The following EPB41L1 variants were observed in gnomAD, a reference collection of about 807,000 sequenced individuals.
The protein encoded by EPB41L1 is band 4.1-like protein 1.
A neutral mutation model predicts 97.8 loss-of-function variants in EPB41L1; 29 were observed. The ratio of observed to expected loss-of-function variants is 0.30; its 90% CI spans 0.22 to 0.40. The LOEUF (loss-of-function observed/expected upper bound fraction) is 0.40. EPB41L1 is among the 10% of genes least tolerant of loss of function. The probability of loss-of-function intolerance (pLI) is 1.00; values close to 1 mark genes in which losing one functional copy is unlikely to be tolerated. For missense variants in EPB41L1, 812 were observed against 1,162.3 expected, an observed-to-expected ratio of 0.70 and a Z score of 4.38; for synonymous variants, 383 against 459.2, an observed-to-expected ratio of 0.83 and a Z score of 2.12.
chr20:36,229,543 C>T lies in EPB41L1; in HGVS notation c.*203C>T. 1 of 472,276 alleles carries T rather than the reference C, an allele frequency of 2.1e-6. No individual in the cohort carries two copies. Among genetic ancestry groups the T allele is most frequent in the Non-Finnish European group, 3.9e-6 (1 of 259,538 alleles). 29.3% of individuals were successfully genotyped at this position (472,276 alleles called of 1,614,324 possible). The stretch of plus-strand genomic sequence containing the variant: ...ATATACAGGAAACACCGCATCCTTG[C>T]ACTGCTGCTGGGGCTGGCAGAGCAG... On this transcript the variant is annotated 3_prime_UTR_variant, in exon 22 of 22. Transcript: ENST00000338074.
chr20:36,162,657 G>T (rs375643892), intron 1 of EPB41L1, among the ~76,000 whole-genome samples: 1 of 152,194 alleles, frequency 6.6e-6, no homozygotes, highest in East Asian at 1.9e-4. Context: ...CAGGTGGGAC[G>T]CATGTCTCCG....
At chr20:36,132,409 A>G (rs187920317) in intron 2 of EPB41L1, among the ~76,000 whole-genome samples, 57 of 152,108 alleles carry the variant, frequency 3.7e-4, no homozygotes, top group East Asian at 9.7e-4. Context: ...CTTTTGACTT[A>G]CAAGAACCCC....
chr20:36,203,849 C>T (rs973019076), intron 14 of EPB41L1, among the ~76,000 whole-genome samples: 2 of 152,122 alleles, frequency 1.3e-5, no homozygotes, highest in Non-Finnish European at 2.9e-5. Flanking sequence ...TTTCTCAAAA[C>T]ACAGTGGGGA....
At position 36,154,786 on chromosome 20, in the gene EPB41L1, C is replaced by A. The variant is rs1432226181; in HGVS notation, c.-125C>A. 1 of 988,632 alleles carries A rather than the reference C, an allele frequency of 1.0e-6. No homozygotes were observed. Among genetic ancestry groups the A allele is most frequent in the African/African-American group, 1.7e-5 (1 of 57,168 alleles). The allele number at this position is 988,632 out of a possible 1,614,324, so 61.2% of individuals were successfully genotyped here. The stretch of plus-strand genomic sequence containing the variant: ...GGGGGTGTCGCCGAACAGGCTGCTC[C>A]GCAGAGCCCGCCGCGACCCCGCGCC... On this transcript the variant is annotated 5_prime_UTR_variant, in exon 1 of 22. Transcript: ENST00000338074. This position sits in a 1 kb window ranked among gnomAD's most constrained non-coding sequence, Gnocchi z 5.5.
At chr20:36,202,455 A>G (rs920247254) in intron 14 of EPB41L1, among the ~76,000 whole-genome samples, 2 of 151,936 alleles carry the variant, frequency 1.3e-5, no homozygotes, top group Admixed American at 1.3e-4. Context: ...TCTCCCAGGA[A>G]ATGGTTTCTG....
In EPB41L1 at chr20:36,207,077, T is replaced by C. The variant is rs1325545937; in HGVS notation, c.1669-2411T>C. ...TCAGCATTTCTTCACATGGAGGTGA[T>C]CATTCCCCTGCCAGCCTCCCCTGGT... is the stretch of plus-strand genomic sequence containing the variant. On this transcript the variant is annotated intron_variant, in intron 14 of 21. Coordinates refer to ENST00000338074, the MANE Select transcript of EPB41L1 (RefSeq NM_012156.2). This position sits in a 1 kb window ranked among gnomAD's most constrained non-coding sequence, Gnocchi z 4.9. 1.6e-6 allele frequency: 2 copies of C among 1,289,230 alleles called. No homozygotes were observed. Among genetic ancestry groups the C allele is most frequent in the Non-Finnish European group, 2.0e-6 (2 of 988,450 alleles). 79.9% of individuals were successfully genotyped at this position (1,289,230 alleles called of 1,614,324 possible).
At chr20:36,110,589 ACACT>A (rs760359024) in intron 1 of EPB41L1, 4 of 152,146 alleles carry the variant, frequency 2.6e-5, no homozygotes, top group Non-Finnish European at 4.2e-5. Context: ...TTACACACAC[ACACT>A]CTCACATCCC....
At chr20:36,221,445 A>G (rs961584508) in intron 19 of EPB41L1, among the ~76,000 whole-genome samples, 4 of 152,226 alleles carry the variant, frequency 2.6e-5, no homozygotes, top group Non-Finnish European at 5.9e-5. Flanking sequence ...AGAGATGAAC[A>G]AAATACAGAC....
rs753490096 is a variant in EPB41L1 at position 36,173,883 on chromosome 20, G to A, written c.106G>A (p.Gly36Ser). The change falls in exon 2 of 22, where the codon GGC becomes AGC. Residue 36 changes from glycine (G) to serine (S), a missense_variant. Transcript: ENST00000338074. ...AAVTTPVTPA[G>S]HGHPEANSNE... ...TGTGACCACCCCTGTGACCCCTGCA[G>A]GCCACGGCCACCCAGAGGCCAACTC... The A allele has an allele frequency of 6.8e-6, 11 of 1,614,016 alleles. No individual in the cohort carries two copies. The South Asian group carries it at 1.2e-4, about 18-fold the overall frequency.
intron 5 of EPB41L1, 38 bp from the exon 6 acceptor site, chr20:36,182,234 G>T: frequency 6.3e-7 from 1 of 1,599,242 alleles, no homozygotes; most frequent in South Asian, 1.1e-5. Context: ...CCAGTGGGGT[G>T]TTAGGGCCTC....
rs58237856 is a variant in EPB41L1, at chr20:36,220,324, G to T, written c.2439+480G>T. On this transcript the variant is annotated intron_variant, in intron 19 of 21. Transcript: ENST00000338074. Reference sequence around the variant, plus strand: ...TTATTTGTTTGTTCACTGAGCAGATGTTAGTGAGTGTCAACTTTGTGTTAG... The same window carrying T: ...TTATTTGTTTGTTCACTGAGCAGATTTTAGTGAGTGTCAACTTTGTGTTAG... Among the ~76,000 whole-genome samples, 166 of 152,372 alleles carry T rather than the reference G, an allele frequency of 1.1e-3. 3 individuals are homozygous for T. In the East Asian group the frequency reaches 0.019, roughly 18 times the overall value.
chr20:36,112,849 G>A (rs759133660), intron 2 of EPB41L1, among the ~76,000 whole-genome samples: 1 of 152,228 alleles, frequency 6.6e-6, no homozygotes, highest in Non-Finnish European at 1.5e-5. Flanking sequence ...AGATTCAGGA[G>A]AGAGTGCTTT....
chr20:36,171,677 G>A (rs2060995788), intron 1 of EPB41L1, among the ~76,000 whole-genome samples: 1 of 152,132 alleles, frequency 6.6e-6, no homozygotes, highest in Admixed American at 6.5e-5. Flanking sequence ...CTTGGCTTTG[G>A]GCTGGGCTGA....
intron 2 of EPB41L1, among the ~76,000 whole-genome samples, chr20:36,132,693 G>A (rs1005868997): frequency 5.3e-5 from 8 of 151,726 alleles, no homozygotes; most frequent in Non-Finnish European, 7.4e-5. Context: ...AGGGCTTGGG[G>A]GTCCAGGCCT....
intron 3 of EPB41L1, among the ~76,000 whole-genome samples, chr20:36,176,790 C>G (rs1049233622): frequency 6.6e-6 from 1 of 151,900 alleles, no homozygotes; most frequent in African/African-American, 2.4e-5. Flanking sequence ...CGCCACCACA[C>G]CCGGCTAATT....
In EPB41L1 at chr20:36,212,093, C is replaced by T. The variant is rs540391404; in HGVS notation, c.2080-179C>T. On this transcript the variant is annotated intron_variant, in intron 15 of 21. Coordinates refer to ENST00000338074, the MANE Select transcript of EPB41L1 (RefSeq NM_012156.2). This position sits in a 1 kb window ranked among gnomAD's most constrained non-coding sequence, Gnocchi z 4.8. ...CTGGTGGTGGTCCTGGCTCTCCTCG[C>T]GGGCTATCTGTCTATGATATCACAC... is the stretch of plus-strand genomic sequence containing the variant. Among the ~76,000 whole-genome samples, 39 of 152,320 alleles carry T rather than the reference C, an allele frequency of 2.6e-4. No individual in the cohort carries two copies. The South Asian group carries it at 7.5e-3, about 29-fold the overall frequency.
rs567976739 is a variant in EPB41L1, at chr20:36,195,220, G to A, written c.1450-109G>A. 18 of 1,364,200 alleles carry A rather than the reference G, an allele frequency of 1.3e-5. No homozygotes were observed. The highest frequency in any genetic ancestry group is 5.3e-5 in the Admixed American group (3 of 56,398). The allele number at this position is 1,364,200 out of a possible 1,614,324, so 84.5% of individuals were successfully genotyped here. A position where few individuals can be genotyped will look rare whatever the true frequency, so the allele number is the denominator to read the frequency against. On this transcript the variant is annotated intron_variant, in intron 12 of 21. Coordinates refer to ENST00000338074, the MANE Select transcript of EPB41L1 (RefSeq NM_012156.2). The surrounding 1 kb of genome is among the most constrained non-coding windows in gnomAD (Gnocchi z 4.6). ...CAGCTGCCCTGGCCTCCACTTGGTC[G>A]AGTGTGCGTGCTCTGGGCTCCTTGC...
chr20:36,139,726 A>T (rs6142518), intron 2 of EPB41L1, among the ~76,000 whole-genome samples: 1 of 149,890 alleles, frequency 6.7e-6, no homozygotes, highest in Non-Finnish European at 1.5e-5. Context: ...CTTTCTTCTT[A>T]TTATTATTTA....
Position 36,230,324 on chromosome 20 carries a change from T to C in EPB41L1, c.*984T>C, listed in dbSNP as rs2147256895. 1 of 152,740 alleles carries C rather than the reference T, an allele frequency of 6.5e-6. No homozygotes were observed. The highest frequency in any genetic ancestry group is 2.1e-4 in the South Asian group (1 of 4,822). 9.5% of individuals were successfully genotyped at this position (152,740 alleles called of 1,614,324 possible). A position where few individuals can be genotyped will look rare whatever the true frequency, so the allele number is the denominator to read the frequency against. ...GAAAAAATATTAAAATAAACAGTGCTGGTAAGTATGAAGCTGACATTCTAA... is the reference window on the plus strand; with the variant it reads ...GAAAAAATATTAAAATAAACAGTGCCGGTAAGTATGAAGCTGACATTCTAA... On this transcript the variant is annotated 3_prime_UTR_variant, in exon 22 of 22. Transcript: ENST00000338074.
Sources: gnomAD v4.1 joint callset for allele counts (sites outside exome capture counted in the v4.1 genomes callset) on GRCh38, gnomAD v4.1.1 for gene constraint, Gnocchi (gnomAD v3.1) non-coding constraint, MANE v1.5 for transcripts, NCBI Gene and HGNC (gene_info 2026-07-23, HGNC 2026-07-21) for gene names.